Variants in KSR2 observed in about 807,000 individuals in gnomAD.
KSR2 encodes the protein kinase suppressor of ras 2.
Under a neutral mutation model 107.8 loss-of-function variants are expected in KSR2, and 25 were observed. The observed-to-expected ratio is 0.23, with a 90% CI of 0.17 to 0.32. The LOEUF is 0.32. Among genes scored for constraint, KSR2 ranks in the 10% least tolerant of loss-of-function variants. The pLI, the probability that KSR2 is intolerant of heterozygous loss-of-function variation, is 1.00. For missense variants in KSR2, 887 were observed against 1,268.9 expected, an observed-to-expected ratio of 0.70 and a Z score of 4.57; for synonymous variants, 480 against 507.0, an observed-to-expected ratio of 0.95 and a Z score of 0.71.
intron 4 of KSR2, among the ~76,000 whole-genome samples, chr12:117,717,710 T>C (rs487618): frequency 0.19 from 25,097 of 129,924 alleles, 2,555 homozygotes; most frequent in East Asian, 0.3. Flanking sequence ...TGTGTGTGTG[T>C]GTGCATGCGC....
At chr12:117,953,481 A>T (rs1896423769) in intron 1 of KSR2, among the ~76,000 whole-genome samples, 1 of 152,250 alleles carries the variant, frequency 6.6e-6, no homozygotes, top group Admixed American at 6.5e-5. Flanking sequence ...CATACAATGG[A>T]CTATTATTTA....
chr12:117,738,106 A>C (rs534432138), intron 4 of KSR2, among the ~76,000 whole-genome samples: 2 of 152,222 alleles, frequency 1.3e-5, no homozygotes, highest in African/African-American at 4.8e-5. Flanking sequence ...AAGCAGAAGG[A>C]CTCAGCAATT....
intron 14 of KSR2, among the ~76,000 whole-genome samples, chr12:117,487,798 T>C (rs1307459469): frequency 6.6e-6 from 1 of 152,116 alleles, no homozygotes; most frequent in African/African-American, 2.4e-5. Context: ...ACAACCTCTT[T>C]CCCTTCAGCA....
chr12:117,794,688 G>A (rs528255303), intron 3 of KSR2, among the ~76,000 whole-genome samples: 1 of 130,704 alleles, frequency 7.7e-6, no homozygotes, highest in Non-Finnish European at 1.6e-5. Flanking sequence ...CATACCAACA[G>A]GCACACACAC....
At chr12:117,765,392 T>C (rs1433370468) in intron 3 of KSR2, among the ~76,000 whole-genome samples, 1 of 152,126 alleles carries the variant, frequency 6.6e-6, no homozygotes, top group East Asian at 1.9e-4. Flanking sequence ...CCAATAGAAT[T>C]CTGGTTAAAC....
intron 1 of KSR2, among the ~76,000 whole-genome samples, chr12:117,955,578 T>C (rs1896487520): frequency 6.6e-6 from 1 of 152,118 alleles, no homozygotes; most frequent in South Asian, 2.1e-4. Context: ...AAGCACCCAT[T>C]TGAATTTGCA....
intron 5 of KSR2, among the ~76,000 whole-genome samples, chr12:117,621,804 T>G (rs1882213851): frequency 6.6e-6 from 1 of 152,134 alleles, no homozygotes; most frequent in Non-Finnish European, 1.5e-5. Flanking sequence ...AAATAAAACA[T>G]ATTTTTAAAA....
intron 5 of KSR2, among the ~76,000 whole-genome samples, chr12:117,654,664 C>A (rs1466558320): frequency 6.6e-6 from 1 of 152,136 alleles, no homozygotes; most frequent in Non-Finnish European, 1.5e-5. Context: ...TGGTCAGGGA[C>A]TTGGAAGAAG....
intron 4 of KSR2, among the ~76,000 whole-genome samples, chr12:117,756,562 A>G (rs1888798509): frequency 6.6e-6 from 1 of 152,256 alleles, no homozygotes; most frequent in African/African-American, 2.4e-5. Context: ...TCGACAATGC[A>G]TGTGCTCAAC....
chr12:117,673,639 T>A (rs1319063772), intron 4 of KSR2, among the ~76,000 whole-genome samples: 3 of 152,128 alleles, frequency 2.0e-5, no homozygotes, highest in Non-Finnish European at 4.4e-5. Context: ...GGACAAGATG[T>A]GGGATTCACC....
At chr12:117,571,714 C>A (rs1162210724) in intron 7 of KSR2, among the ~76,000 whole-genome samples, 2 of 152,282 alleles carry the variant, frequency 1.3e-5, no homozygotes, top group African/African-American at 4.8e-5. Context: ...AAGGCTCAAG[C>A]ATCTATGAAG....
At chr12:117,599,948 G>A (rs1880844385) in intron 5 of KSR2, among the ~76,000 whole-genome samples, 1 of 152,164 alleles carries the variant, frequency 6.6e-6, no homozygotes, top group South Asian at 2.1e-4. Flanking sequence ...GCAAGCCTGG[G>A]TACTACAGTG....
chr12:117,770,520 G>A lies in KSR2; in HGVS notation c.473-8996C>T, dbSNP rs78685227. 2.7e-3 allele frequency among the ~76,000 whole-genome samples: 410 copies of A among 151,804 alleles called. 3 individuals are homozygous for A. Among genetic ancestry groups the A allele is most frequent in the African/African-American group, 9.1e-3 (376 of 41,356 alleles). On this transcript the variant is annotated intron_variant, in intron 3 of 19. Coordinates refer to ENST00000339824, the MANE Select transcript of KSR2 (RefSeq NM_173598.6). ...TGCTGGTTTAAGCCATCTAGTTTGC[G>A]GTAGATTTTTTTTACAAAAGCCCTA...
chr12:117,932,671 G>A (rs2137503214), intron 1 of KSR2, among the ~76,000 whole-genome samples: 1 of 152,242 alleles, frequency 6.6e-6, no homozygotes, highest in African/African-American at 2.4e-5. Flanking sequence ...GCAGTGAGCT[G>A]TGATCACGTC....
chr12:117,682,642 C>T (rs1456671745), intron 4 of KSR2, among the ~76,000 whole-genome samples: 1 of 152,050 alleles, frequency 6.6e-6, no homozygotes, highest in Non-Finnish European at 1.5e-5. Flanking sequence ...TGGTCTCAAA[C>T]TCCCGACCTC....
At chr12:117,958,362 T>C (rs1053403704) in intron 1 of KSR2, among the ~76,000 whole-genome samples, 1 of 152,202 alleles carries the variant, frequency 6.6e-6, no homozygotes, top group Non-Finnish European at 1.5e-5. Context: ...GAAGGGCAAC[T>C]TGGCAAAACC....
At position 117,779,762 on chromosome 12, in the gene KSR2, G is replaced by A. The variant is rs574730793; in HGVS notation, c.473-18238C>T. On this transcript the variant is annotated intron_variant, in intron 3 of 19. Coordinates refer to ENST00000339824, the MANE Select transcript of KSR2 (RefSeq NM_173598.6). ...TTCTCCTTTGCCTTCTGCCATGATT[G>A]TAAGTTTCCTGAGGCCTCCCCAGCC... Among the ~76,000 whole-genome samples, 29 of 152,276 alleles carry A rather than the reference G, an allele frequency of 1.9e-4. No homozygotes were observed. In the South Asian group the frequency reaches 5.6e-3, roughly 29 times the overall value.
intron 9 of KSR2, among the ~76,000 whole-genome samples, chr12:117,549,592 G>A (rs954085562): frequency 1.1e-4 from 16 of 152,126 alleles, no homozygotes; most frequent in African/African-American, 3.4e-4. Flanking sequence ...TGGCCCCTCA[G>A]TAAATGTGTG....
intron 4 of KSR2, among the ~76,000 whole-genome samples, chr12:117,682,968 G>A (rs751677245): frequency 6.6e-6 from 1 of 152,072 alleles, no homozygotes; most frequent in Non-Finnish European, 1.5e-5. Context: ...AGAGGCAGAG[G>A]AGTCAGATGC....
Sources: allele counts gnomAD v4.1 joint callset (sites outside exome capture counted in the v4.1 genomes callset), GRCh38; gene constraint gnomAD v4.1.1; transcripts MANE v1.5; gene names NCBI Gene and HGNC (gene_info 2026-07-23, HGNC 2026-07-21).